The following ANKS1B variants were observed in gnomAD, a reference collection of about 807,000 sequenced individuals.
ANKS1B encodes the protein ankyrin repeat and sterile alpha motif domain-containing protein 1B.
ANKS1B carries 36 observed loss-of-function variants against 148.3 expected under a neutral mutation model. The ratio of observed to expected loss-of-function variants is 0.24; its 90% confidence interval spans 0.19 to 0.32. The LOEUF is 0.32. Among genes scored for constraint, ANKS1B ranks in the 10% least tolerant of loss-of-function variants. The pLI, the probability that ANKS1B is intolerant of heterozygous loss-of-function variation, is 1.00. For missense variants in ANKS1B, 1,157 were observed against 1,542.6 expected, an observed-to-expected ratio of 0.75 and a Z score of 4.19; for synonymous variants, 542 against 560.8, an observed-to-expected ratio of 0.97 and a Z score of 0.47.
At chr12:99,129,493 G>A (rs1179943473) in intron 15 of ANKS1B, among the ~76,000 whole-genome samples, 5 of 152,200 alleles carry the variant, frequency 3.3e-5, no homozygotes, top group Non-Finnish European at 7.3e-5. Context: ...GTCACAAAAG[G>A]TGAGTTAGAA....
chr12:99,033,451 C>T (rs994435582), intron 17 of ANKS1B, among the ~76,000 whole-genome samples: 1 of 152,094 alleles, frequency 6.6e-6, no homozygotes, highest in African/African-American at 2.4e-5. Context: ...TTATAGAGAC[C>T]TTCTCTGCTG....
intron 1 of ANKS1B, among the ~76,000 whole-genome samples, chr12:99,837,347 C>G (rs946251471): frequency 6.6e-6 from 1 of 152,128 alleles, no homozygotes; most frequent in Non-Finnish European, 1.5e-5. Flanking sequence ...TAAGCCACTA[C>G]ATTTGTGGTA....
At chr12:99,018,153 A>G (rs533040357) in intron 17 of ANKS1B, among the ~76,000 whole-genome samples, 1 of 152,286 alleles carries the variant, frequency 6.6e-6, no homozygotes, top group East Asian at 1.9e-4. Flanking sequence ...CAAAATTCAC[A>G]TGTTGAAATC....
At chr12:99,011,465 T>C (rs765980733) in intron 17 of ANKS1B, among the ~76,000 whole-genome samples, 2 of 152,196 alleles carry the variant, frequency 1.3e-5, no homozygotes, top group African/African-American at 4.8e-5. Flanking sequence ...ATTATGGATA[T>C]AACAATTGAT....
chr12:99,440,417 A>AT (rs574572723), intron 11 of ANKS1B, among the ~76,000 whole-genome samples: 25 of 151,422 alleles, frequency 1.7e-4, no homozygotes, highest in East Asian at 1.4e-3. Flanking sequence ...TATTTCAAAG[A>AT]TTTTTTTTTC....
chr12:99,348,432 A>G (rs888063108), intron 12 of ANKS1B, among the ~76,000 whole-genome samples: 3 of 151,926 alleles, frequency 2.0e-5, no homozygotes, highest in Non-Finnish European at 4.4e-5. Flanking sequence ...TTAATAAAAG[A>G]AATAAATCTA....
chr12:99,657,897 CAAAAAAAAAAAAAAA>C (rs58151526), intron 8 of ANKS1B, among the ~76,000 whole-genome samples: 2 of 75,426 alleles, frequency 2.7e-5, no homozygotes, highest in Non-Finnish European at 4.8e-5. Flanking sequence ...TCTCCTCCCT[CAAAAAAAAAAAAAAA>C]AAAAAAAAAA....
chr12:99,442,824 G>A lies in ANKS1B; in HGVS notation c.1575+849C>T, dbSNP rs529159640. 3.3e-5 allele frequency among the ~76,000 whole-genome samples: 5 copies of A among 151,962 alleles called. No individual in the cohort carries two copies. The East Asian group carries it at 7.8e-4, about 24-fold the overall frequency. On this transcript the variant is annotated intron_variant, in intron 11 of 26. Coordinates refer to ENST00000683438, the MANE Select transcript of ANKS1B (RefSeq NM_001352186.2). The stretch of plus-strand genomic sequence containing the variant: ...CATTTTCCCTACAATTTGGCTCAAA[G>A]GATTTATTCATACTCTATATCTAAG...
chr12:99,748,030 A>C (rs915397486), intron 8 of ANKS1B, among the ~76,000 whole-genome samples: 5 of 152,016 alleles, frequency 3.3e-5, no homozygotes, highest in African/African-American at 9.7e-5. Flanking sequence ...TAGAGACTTA[A>C]TTCTATTTTC....
At chr12:99,455,689 A>T (rs1421055533) in intron 10 of ANKS1B, among the ~76,000 whole-genome samples, 1 of 152,074 alleles carries the variant, frequency 6.6e-6, no homozygotes. Context: ...CAGCAGAGGC[A>T]GCCATAATCC....
intron 11 of ANKS1B, among the ~76,000 whole-genome samples, chr12:99,420,918 T>A (rs2095061206): frequency 6.6e-6 from 1 of 152,182 alleles, no homozygotes; most frequent in South Asian, 2.1e-4. Flanking sequence ...TTCCTATGGG[T>A]TAAACTTATT....
intron 17 of ANKS1B, among the ~76,000 whole-genome samples, chr12:98,955,764 G>A (rs11109681): frequency 0.076 from 11,588 of 152,220 alleles, 524 homozygotes; most frequent in East Asian, 0.16. Context: ...GGAAGGCTGC[G>A]GTGGAGAAGT....
At chr12:99,387,551 G>A (rs2093915811) in intron 12 of ANKS1B, among the ~76,000 whole-genome samples, 1 of 152,048 alleles carries the variant, frequency 6.6e-6, no homozygotes, top group Non-Finnish European at 1.5e-5. Context: ...CGGAGGCGGA[G>A]ATTGCGGCCA....
chr12:98,984,679 C>T (rs1161112067), intron 17 of ANKS1B, among the ~76,000 whole-genome samples: 1 of 152,172 alleles, frequency 6.6e-6, no homozygotes, highest in East Asian at 1.9e-4. Context: ...ACAGCATTCT[C>T]AAAGCCCAGA....
intron 11 of ANKS1B, among the ~76,000 whole-genome samples, chr12:99,442,936 C>T (rs1007699687): frequency 4.0e-5 from 6 of 151,884 alleles, no homozygotes; most frequent in Admixed American, 3.3e-4. Context: ...GTTGAGAACA[C>T]CACCAATTTC....
intron 8 of ANKS1B, among the ~76,000 whole-genome samples, chr12:99,720,847 C>T (rs1213417082): frequency 4.6e-5 from 7 of 152,234 alleles, no homozygotes; most frequent in Admixed American, 1.3e-4. Flanking sequence ...TTTACACTGC[C>T]GGTTTACACT....
At chr12:98,750,791 G>A (rs746005716) in intron 26 of ANKS1B, among the ~76,000 whole-genome samples, 5 of 152,244 alleles carry the variant, frequency 3.3e-5, no homozygotes, top group Non-Finnish European at 7.3e-5. Context: ...GAAGGCAGAT[G>A]CTGAGAAGGA....
At chr12:99,257,692 G>T (rs531708554) in intron 12 of ANKS1B, among the ~76,000 whole-genome samples, 1 of 152,046 alleles carries the variant, frequency 6.6e-6, no homozygotes, top group East Asian at 1.9e-4. Flanking sequence ...ACTTATAGTG[G>T]TTTGCTTTTC....
chr12:99,682,626 T>C (rs1419446246), intron 8 of ANKS1B, among the ~76,000 whole-genome samples: 3 of 152,160 alleles, frequency 2.0e-5, no homozygotes, highest in Admixed American at 1.3e-4. Context: ...GGAAAGTTCA[T>C]AGCATTAAAT....
Sources: allele counts gnomAD v4.1 joint callset (sites outside exome capture counted in the v4.1 genomes callset), GRCh38; gene constraint gnomAD v4.1.1; transcripts MANE v1.5; gene names NCBI Gene and HGNC (gene_info 2026-07-23, HGNC 2026-07-21).